Variants in OR10J1 observed in about 807,000 individuals in gnomAD.
OR10J1 encodes olfactory receptor 10J1.
For missense variants in OR10J1, 474 were observed against 376.6 expected, an observed-to-expected ratio of 1.26 and a Z score of -2.14; for synonymous variants, 202 against 143.8, an observed-to-expected ratio of 1.40 and a Z score of -2.89.
the OR10J1 span, among the ~76,000 whole-genome samples, chr1:159,427,150 A>C: frequency 6.6e-6 from 1 of 151,828 alleles, no homozygotes; most frequent in South Asian, 2.1e-4. Context: ...AATATATACT[A>C]CTACGGCTTC....
Position 159,440,622 on chromosome 1 carries a change from C to T in OR10J1, c.831C>T (p.Tyr277=). The T allele has an allele frequency of 6.2e-7, 1 of 1,613,976 alleles. No individual in the cohort carries two copies. The highest frequency in any genetic ancestry group is 2.2e-5 in the East Asian group (1 of 44,876). The part of the protein sequence containing the change: ...REHDQLISVT[Y]TVITPLLNPV... ...ATGACCAGCTGATCTCGGTGACCTA[C>T]ACTGTCATCACTCCCCTACTGAACC... Residue 277 remains tyrosine, a synonymous_variant, in exon 1 of 1, where the codon TAC becomes TAT. Transcript: ENST00000423932.
Position 159,440,550 on chromosome 1 carries a change from T to C in OR10J1, c.759T>C (p.Cys253=), listed in dbSNP as rs12409540. 1.2e-6 allele frequency: 2 copies of C among 1,613,844 alleles called. No individual in the cohort carries two copies. The highest frequency in any genetic ancestry group is 1.7e-6 in the Non-Finnish European group (2 of 1,179,934). The change falls in exon 1 of 1, where the codon TGT becomes TGC. Residue 253 remains cysteine (C), a synonymous_variant. Coordinates refer to ENST00000423932, the MANE Select transcript of OR10J1 (RefSeq NM_012351.3). ...CTGTGGTCATTGTCCACTACAGCTG[T>C]GCCTCCATTGCCTACCTCAAGCCCA... ...HLTVVIVHYS[C]ASIAYLKPKS...
the OR10J1 span, among the ~76,000 whole-genome samples, chr1:159,424,216 CAAA>C: frequency 9.1e-5 from 9 of 98,418 alleles, no homozygotes; most frequent in African/African-American, 3.1e-4. Flanking sequence ...ACTCCATCTC[CAAA>C]AAAAAAAAAG....
upstream of OR10J1, among the ~76,000 whole-genome samples, chr1:159,434,962 C>T (rs965179904): frequency 6.6e-6 from 1 of 152,100 alleles, no homozygotes; most frequent in Non-Finnish European, 1.5e-5. Flanking sequence ...TCCCTTTTAC[C>T]TAGGAGGTCT....
chr1:159,405,567 C>G, the OR10J1 span: 1 of 375,830 alleles, frequency 2.7e-6, no homozygotes, highest in Admixed American at 3.2e-5. Context: ...GTCTGTTCTG[C>G]CCCAGGAAAC....
the OR10J1 span, chr1:159,405,556 A>T: frequency 2.8e-6 from 1 of 358,592 alleles, no homozygotes; most frequent in Non-Finnish European, 5.7e-6. Context: ...CACTGAGATG[A>T]GTCTGTTCTG....
At chr1:159,412,002 A>G in the OR10J1 span, among the ~76,000 whole-genome samples, 1 of 152,162 alleles carries the variant, frequency 6.6e-6, no homozygotes, top group African/African-American at 2.4e-5. Flanking sequence ...CAGGATAGAA[A>G]ATCAATGTAC....
At chr1:159,439,122 G>T (rs1655827029), upstream of OR10J1, among the ~76,000 whole-genome samples, 1 of 152,196 alleles carries the variant, frequency 6.6e-6, no homozygotes, top group East Asian at 1.9e-4. Context: ...GGAGAGGCTG[G>T]TGGTTGGCTA....
At chr1:159,426,447 T>A in the OR10J1 span, among the ~76,000 whole-genome samples, 1 of 151,920 alleles carries the variant, frequency 6.6e-6, no homozygotes, top group Admixed American at 6.6e-5. Context: ...AAGGAACTTA[T>A]GATGTTGATA....
At chr1:159,420,805 C>T in the OR10J1 span, among the ~76,000 whole-genome samples, 1 of 151,920 alleles carries the variant, frequency 6.6e-6, no homozygotes, top group Non-Finnish European at 1.5e-5. Context: ...TGACTAGATG[C>T]TTTTCTCTTG....
the OR10J1 span, among the ~76,000 whole-genome samples, chr1:159,424,191 G>C: frequency 6.6e-6 from 1 of 151,018 alleles, no homozygotes; most frequent in Non-Finnish European, 1.5e-5. Context: ...ACTCTAGCAT[G>C]GGTGACAGAG....
chr1:159,407,695 A>G, the OR10J1 span, among the ~76,000 whole-genome samples: 2 of 152,130 alleles, frequency 1.3e-5, no homozygotes, highest in African/African-American at 2.4e-5. Flanking sequence ...TCTCTATGAA[A>G]TCAGTGATAA....
chr1:159,423,656 A>T, the OR10J1 span, among the ~76,000 whole-genome samples: 45 of 152,260 alleles, frequency 3.0e-4, no homozygotes, highest in Middle Eastern at 0.014. Flanking sequence ...AATTCTACAA[A>T]CCATGCGGAG....
At chr1:159,420,658 T>C in the OR10J1 span, among the ~76,000 whole-genome samples, 1 of 152,114 alleles carries the variant, frequency 6.6e-6, no homozygotes, top group Non-Finnish European at 1.5e-5. Context: ...ATATGAAGGA[T>C]AACTTTGTTA....
chr1:159,406,347 A>G, the OR10J1 span: 1 of 467,384 alleles, frequency 2.1e-6, no homozygotes, highest in South Asian at 1.7e-5. Context: ...CAGTCACAGC[A>G]GTGGACTTTG....
At chr1:159,399,278 G>A in the OR10J1 span, among the ~76,000 whole-genome samples, 3 of 151,998 alleles carry the variant, frequency 2.0e-5, no homozygotes, top group Non-Finnish European at 4.4e-5. Context: ...GGTCTGTCCT[G>A]TAAGAAATTC....
At chr1:159,398,339 C>A in the OR10J1 span, among the ~76,000 whole-genome samples, 1 of 152,164 alleles carries the variant, frequency 6.6e-6, no homozygotes, top group Non-Finnish European at 1.5e-5. Flanking sequence ...TTCCCAGACA[C>A]TGAAGAATAT....
the OR10J1 span, among the ~76,000 whole-genome samples, chr1:159,421,959 C>T: frequency 6.6e-6 from 1 of 152,086 alleles, no homozygotes; most frequent in Non-Finnish European, 1.5e-5. Context: ...TGGGCAATGA[C>T]AGTAATAGTG....
At chr1:159,420,455 C>A in the OR10J1 span, among the ~76,000 whole-genome samples, 1 of 152,074 alleles carries the variant, frequency 6.6e-6, no homozygotes, top group East Asian at 1.9e-4. Context: ...GTAGTGGTAA[C>A]ATTTGAATAT....
Sources: gnomAD v4.1 joint callset for allele counts (sites outside exome capture counted in the v4.1 genomes callset) on GRCh38, gnomAD v4.1.1 for gene constraint, MANE v1.5 for transcripts, NCBI Gene and HGNC (gene_info 2026-07-23, HGNC 2026-07-21) for gene names.